Variants in NIBAN1 observed in about 807,000 individuals in gnomAD.
NIBAN1 encodes niban apoptosis regulator 1.
Under a neutral mutation model 75.1 loss-of-function variants are expected in NIBAN1, and 81 were observed. The ratio of observed to expected loss-of-function variants is 1.08; its 90% confidence interval spans 0.90 to 1.30. NIBAN1 has a LOEUF of 1.30. Ranked by LOEUF, NIBAN1 falls within the 50% of genes most tolerant of loss-of-function variation. NIBAN1 has a pLI of 0.00. For synonymous variants in NIBAN1, 436 were observed against 424.8 expected (o/e 1.03, Z -0.32); for missense variants, 1,133 against 1,128.1 (o/e 1.00, Z -0.06).
In NIBAN1 at chr1:184,911,370, A is replaced by G. The variant is rs552035885; in HGVS notation, c.56-12061T>C. ...AAACATTTCATTAAGTGATCTAAGA[A>G]AGACAGTAAAAGCATTTGGCTCAGC... is the stretch of plus-strand genomic sequence containing the variant. On this transcript the variant is annotated intron_variant, in intron 1 of 13. Transcript: ENST00000367511. Among the ~76,000 whole-genome samples, 4 of 152,328 alleles carry G rather than the reference A, an allele frequency of 2.6e-5. No homozygotes were observed. In the South Asian group the frequency reaches 8.3e-4, roughly 32 times the overall value.
intron 5 of NIBAN1, among the ~76,000 whole-genome samples, chr1:184,883,543 G>A (rs1019398987): frequency 6.6e-6 from 1 of 152,206 alleles, no homozygotes; most frequent in Non-Finnish European, 1.5e-5. Flanking sequence ...ATTCACCTCA[G>A]TATATCAAAA....
At chr1:184,917,641 C>T (rs773963535) in intron 1 of NIBAN1, among the ~76,000 whole-genome samples, 2 of 151,816 alleles carry the variant, frequency 1.3e-5, no homozygotes, top group Non-Finnish European at 2.9e-5. Flanking sequence ...CTCTTCTATC[C>T]ACCTCTAAGT....
intron 5 of NIBAN1, among the ~76,000 whole-genome samples, 172 bp from the exon 6 acceptor site, chr1:184,832,134 T>C (rs893651967): frequency 9.2e-5 from 14 of 152,214 alleles, no homozygotes; most frequent in African/African-American, 3.1e-4. Flanking sequence ...TTTGCAGGTG[T>C]ACATCACACT....
At chr1:184,946,494 G>A (rs1199507709) in intron 1 of NIBAN1, among the ~76,000 whole-genome samples, 1 of 151,980 alleles carries the variant, frequency 6.6e-6, no homozygotes, top group Non-Finnish European at 1.5e-5. Flanking sequence ...AAGGATGAAT[G>A]GAAATGTATG....
chr1:184,841,483 A>G (rs762655557), intron 5 of NIBAN1, among the ~76,000 whole-genome samples: 16 of 152,340 alleles, frequency 1.1e-4, no homozygotes, highest in Non-Finnish European at 1.8e-4. Context: ...TTTTACAAAC[A>G]TTTTTTAAAA....
chr1:184,856,098 AT>A, intron 5 of NIBAN1, among the ~76,000 whole-genome samples: 1 of 152,254 alleles, frequency 6.6e-6, no homozygotes, highest in South Asian at 2.1e-4. Context: ...TTATTCCCAT[AT>A]TTTTCTAGTT....
chr1:184,872,384 G>A (rs918967659), intron 5 of NIBAN1, among the ~76,000 whole-genome samples: 3 of 151,928 alleles, frequency 2.0e-5, no homozygotes, highest in Non-Finnish European at 4.4e-5. Context: ...AAAAAAGAGA[G>A]AAAAAAGATA....
At chr1:184,823,784 G>A (rs1654771141) in intron 6 of NIBAN1, 42 bp from the exon 7 acceptor site, 1 of 1,548,072 alleles carries the variant, frequency 6.5e-7, no homozygotes, top group Admixed American at 1.7e-5. Flanking sequence ...AGTCGGTGAT[G>A]GCTACATCTG....
At chr1:184,865,010 G>A (rs978520502) in intron 5 of NIBAN1, among the ~76,000 whole-genome samples, 11 of 147,342 alleles carry the variant, frequency 7.5e-5, no homozygotes, top group Admixed American at 5.4e-4. Context: ...AAAAAAGAAT[G>A]CTCAGTATCA....
intron 1 of NIBAN1, among the ~76,000 whole-genome samples, chr1:184,901,791 T>C (rs1656963321): frequency 6.6e-6 from 1 of 152,192 alleles, no homozygotes; most frequent in African/African-American, 2.4e-5. Context: ...TCTTCTGATA[T>C]ATGAGAAAAA....
chr1:184,827,943 G>A (rs567609847), intron 6 of NIBAN1, among the ~76,000 whole-genome samples: 15 of 151,264 alleles, frequency 9.9e-5, no homozygotes, highest in Non-Finnish European at 2.1e-4. Flanking sequence ...CTAAAAATGC[G>A]GGTAGTTTTG....
chr1:184,855,338 T>C (rs770092439), intron 5 of NIBAN1, among the ~76,000 whole-genome samples: 2 of 152,210 alleles, frequency 1.3e-5, no homozygotes, highest in Non-Finnish European at 2.9e-5. Flanking sequence ...GGGCATAACA[T>C]TGAATAAAAT....
intron 9 of NIBAN1, among the ~76,000 whole-genome samples, chr1:184,813,802 C>T (rs1196532648): frequency 6.6e-6 from 1 of 152,164 alleles, no homozygotes; most frequent in Non-Finnish European, 1.5e-5. Context: ...TTACAGCTAG[C>T]TAAGGCCTGG....
chr1:184,825,700 AC>A (rs1654825078), intron 6 of NIBAN1, among the ~76,000 whole-genome samples: 1 of 152,122 alleles, frequency 6.6e-6, no homozygotes, highest in Non-Finnish European at 1.5e-5. Flanking sequence ...TTCCTTCTTT[AC>A]CCCTGCTCCT....
chr1:184,804,511 G>A (rs1250374763), intron 11 of NIBAN1, among the ~76,000 whole-genome samples: 1 of 152,134 alleles, frequency 6.6e-6, no homozygotes, highest in African/African-American at 2.4e-5. Flanking sequence ...TATCCTGAGA[G>A]GTAGAAAGTA....
At chr1:184,914,837 C>T (rs760511855) in intron 1 of NIBAN1, among the ~76,000 whole-genome samples, 13 of 151,938 alleles carry the variant, frequency 8.6e-5, no homozygotes, top group Non-Finnish European at 1.6e-4. Flanking sequence ...ATTCTCCTGC[C>T]TCAGCCTCCT....
chr1:184,795,633 C>T lies in NIBAN1; in HGVS notation c.2131G>A (p.Ala711Thr). 12 of 1,614,192 alleles carry T rather than the reference C, an allele frequency of 7.4e-6. No homozygotes were observed. The highest frequency in any genetic ancestry group is 1.3e-5 in the African/African-American group (1 of 75,048). ...EPITASGSLKALRKLLTASVE... is the reference protein window; with the variant it reads ...EPITASGSLKTLRKLLTASVE... ...GACGCTGTCAGCAACTTTCTGAGCG[C>T]CTTCAAAGAACCCGAGGCAGTGATG... The change falls in exon 14 of 14, where the codon GCG becomes ACG. Residue 711 changes from alanine (A) to threonine (T), a missense_variant. Transcript: ENST00000367511.
intron 1 of NIBAN1, among the ~76,000 whole-genome samples, chr1:184,922,101 T>A (rs184657550): frequency 6.0e-4 from 91 of 152,314 alleles, no homozygotes; most frequent in African/African-American, 2.1e-3. Flanking sequence ...TCATTTTTTT[T>A]AATTTTTAAT....
At chr1:184,973,795 C>T (rs66512306) in intron 1 of NIBAN1, among the ~76,000 whole-genome samples, 16,250 of 152,282 alleles carry the variant, frequency 0.11, 1,012 homozygotes, top group Middle Eastern at 0.17. Context: ...ATGAAATCAT[C>T]CTGCAAGTGC....
Sources: allele counts gnomAD v4.1 joint callset (sites outside exome capture counted in the v4.1 genomes callset), GRCh38; gene constraint gnomAD v4.1.1; transcripts MANE v1.5; gene names NCBI Gene and HGNC (gene_info 2026-07-23, HGNC 2026-07-21).